Variants in ADGRB3 observed in about 807,000 individuals in gnomAD.
ADGRB3 encodes the protein brain-specific angiogenesis inhibitor 3.
In ADGRB3, 37 loss-of-function variants were observed where a neutral mutation model predicts 193.4. That is an observed-to-expected ratio of 0.19 (90% CI 0.15 to 0.25). ADGRB3 has a LOEUF of 0.25. Ranked by LOEUF, ADGRB3 falls within the 10% of genes least tolerant of loss-of-function variation. ADGRB3 has a pLI of 1.00. For synonymous variants in ADGRB3, 690 were observed against 644.2 expected (o/e 1.07, Z -1.08); for missense variants, 1,637 against 1,852.9 (o/e 0.88, Z 2.14).
At chr6:68,962,171 G>T (rs887237632) in intron 8 of ADGRB3, among the ~76,000 whole-genome samples, 16 of 152,124 alleles carry the variant, frequency 1.1e-4, no homozygotes, top group African/African-American at 1.4e-4. Context: ...GCAGGAAAAT[G>T]AATTAGAACT....
chr6:68,954,783 C>T (rs1242137151), intron 6 of ADGRB3, among the ~76,000 whole-genome samples: 1 of 151,706 alleles, frequency 6.6e-6, no homozygotes, highest in African/African-American at 2.4e-5. Flanking sequence ...GGGTTCACAC[C>T]ATTCTCCTGC....
At chr6:69,242,644 T>G (rs1766409587) in intron 20 of ADGRB3, among the ~76,000 whole-genome samples, 1 of 151,968 alleles carries the variant, frequency 6.6e-6, no homozygotes, top group Non-Finnish European at 1.5e-5. Flanking sequence ...ATAAAATAAA[T>G]GTATTCAAAT....
chr6:68,926,122 T>G (rs1383050167), intron 3 of ADGRB3, among the ~76,000 whole-genome samples: 1 of 152,112 alleles, frequency 6.6e-6, no homozygotes, highest in East Asian at 1.9e-4. Context: ...TCTAGAAACT[T>G]GCACTTTGGA....
intron 17 of ADGRB3, among the ~76,000 whole-genome samples, chr6:69,201,649 C>T (rs916934394): frequency 6.6e-6 from 1 of 152,088 alleles, no homozygotes; most frequent in Non-Finnish European, 1.5e-5. Flanking sequence ...ACGTCAGGCA[C>T]TGTCAGCATC....
rs1241203992 is a variant in ADGRB3 at position 68,956,714 on chromosome 6, G to A, written c.1430G>A (p.Arg477Lys). The change falls in exon 8 of 32, where the codon AGG (arginine) becomes AAG (lysine). Residue 477 changes from arginine (R) to lysine (K), a missense_variant. Arg to Lys is a conservative substitution (Grantham distance 26). Coordinates refer to ENST00000370598, the MANE Select transcript of ADGRB3 (RefSeq NM_001704.3). Reference protein sequence around the residue: ...CSKSCDGGWERRIRTCQGAVI... With the variant: ...CSKSCDGGWEKRIRTCQGAVI... ...AAGTCCTGTGATGGCGGCTGGGAAA[G>A]GCGAATAAGGACCTGTCAGGGTGCA... is the stretch of plus-strand genomic sequence containing the variant. The A allele has an allele frequency of 6.2e-7, 1 of 1,614,072 alleles. No homozygotes were observed. Among genetic ancestry groups the A allele is most frequent in the Non-Finnish European group, 8.5e-7 (1 of 1,179,994 alleles).
intron 20 of ADGRB3, among the ~76,000 whole-genome samples, chr6:69,309,046 A>T (rs182254541): frequency 6.6e-6 from 1 of 151,728 alleles, no homozygotes. Flanking sequence ...GAAGCCAGTC[A>T]TCTCCACAAC....
At chr6:69,384,108 A>G (rs1023954594) in intron 31 of ADGRB3, among the ~76,000 whole-genome samples, 3 of 151,874 alleles carry the variant, frequency 2.0e-5, no homozygotes, top group African/African-American at 7.2e-5. Flanking sequence ...TCCAGTTGTG[A>G]TAAGTTATCA....
chr6:68,889,804 A>C (rs1766021753), intron 3 of ADGRB3, among the ~76,000 whole-genome samples: 1 of 152,120 alleles, frequency 6.6e-6, no homozygotes, highest in Admixed American at 6.6e-5. Context: ...GCCTGGCCTA[A>C]GTAAATATTC....
At chr6:69,225,358 C>T (rs768317751) in intron 17 of ADGRB3, among the ~76,000 whole-genome samples, 13 of 152,082 alleles carry the variant, frequency 8.5e-5, no homozygotes, top group Non-Finnish European at 1.6e-4. Context: ...GAAATTCTCT[C>T]CACTTATTTT....
chr6:69,210,930 AC>A (rs1227039497), intron 17 of ADGRB3, among the ~76,000 whole-genome samples: 1 of 151,526 alleles, frequency 6.6e-6, no homozygotes, highest in East Asian at 1.9e-4. Flanking sequence ...CCTGGCTAAC[AC>A]GGTGAAACCC....
At chr6:69,047,548 T>A (rs1771273340) in intron 13 of ADGRB3, among the ~76,000 whole-genome samples, 1 of 151,752 alleles carries the variant, frequency 6.6e-6, no homozygotes, top group African/African-American at 2.4e-5. Context: ...TACTTTCAAT[T>A]TTAGAGAGAA....
intron 17 of ADGRB3, among the ~76,000 whole-genome samples, chr6:69,128,878 T>C (rs1773925281): frequency 6.6e-6 from 1 of 152,180 alleles, no homozygotes; most frequent in Non-Finnish European, 1.5e-5. Context: ...CTTAGATATA[T>C]TGAATGTCTT....
In ADGRB3 at chr6:68,943,774, G is replaced by T. The variant is rs192227466; in HGVS notation, c.1031-56G>T. ...TTTGCTTTTTAATTATAAAGAAAAT[G>T]ATCTTTGATTTTACTGCTCTGCTTT... is the stretch of plus-strand genomic sequence containing the variant. On this transcript the variant is annotated intron_variant, in intron 5 of 31. Transcript: ENST00000370598. 2.0e-4 allele frequency: 284 copies of T among 1,417,392 alleles called. 2 individuals are homozygous for T. The Middle Eastern group carries it at 2.5e-3, about 12-fold the overall frequency. 87.8% of individuals were successfully genotyped at this position (1,417,392 alleles called of 1,614,324 possible). A position where few individuals can be genotyped will look rare whatever the true frequency, so the allele number is the denominator to read the frequency against.
At chr6:69,093,435 A>T (rs1448440460) in intron 17 of ADGRB3, among the ~76,000 whole-genome samples, 1 of 150,662 alleles carries the variant, frequency 6.6e-6, no homozygotes, top group East Asian at 2.0e-4. Flanking sequence ...GTGCAGCCTC[A>T]GTTTAAGGAG....
At chr6:68,915,769 A>G (rs964413784) in intron 3 of ADGRB3, among the ~76,000 whole-genome samples, 53 of 140,770 alleles carry the variant, frequency 3.8e-4, no homozygotes, top group Non-Finnish European at 7.2e-4. Context: ...GTGGGAGGGG[A>G]AAAAAAAAAC....
chr6:68,896,953 C>G (rs538670575), intron 3 of ADGRB3, among the ~76,000 whole-genome samples: 1 of 152,124 alleles, frequency 6.6e-6, no homozygotes, highest in Admixed American at 6.5e-5. Flanking sequence ...CTTGGCCCCT[C>G]GCTACACACA....
intron 3 of ADGRB3, among the ~76,000 whole-genome samples, chr6:68,867,881 T>C (rs1460254921): frequency 1.2e-4 from 19 of 152,230 alleles, no homozygotes; most frequent in African/African-American, 4.3e-4. Context: ...TGGCAGCATT[T>C]ACCCAGCGCC....
intron 3 of ADGRB3, among the ~76,000 whole-genome samples, chr6:68,765,679 T>C (rs1766495972): frequency 6.6e-6 from 1 of 152,076 alleles, no homozygotes; most frequent in Non-Finnish European, 1.5e-5. Context: ...TTTATAAGTT[T>C]GAAAAGCTTA....
chr6:69,232,550 A>G, intron 17 of ADGRB3: 1 of 1,535,734 alleles, frequency 6.5e-7, no homozygotes, highest in Non-Finnish European at 8.7e-7. Flanking sequence ...GCCCCAGGGC[A>G]AAGAAGCAGT....
Sources: allele counts gnomAD v4.1 joint callset (sites outside exome capture counted in the v4.1 genomes callset), GRCh38; gene constraint gnomAD v4.1.1; transcripts MANE v1.5; gene names NCBI Gene and HGNC (gene_info 2026-07-23, HGNC 2026-07-21).